ANKRD44: variants seen among roughly 807,000 people sequenced by gnomAD.
The protein encoded by ANKRD44 is ankyrin repeat domain 44, also known as serine/threonine-protein phosphatase 6 regulatory ankyrin repeat subunit B.
Under a neutral mutation model 116.0 loss-of-function variants are expected in ANKRD44, and 35 were observed. That is an observed-to-expected ratio of 0.30 (90% CI 0.23 to 0.40). The LOEUF (loss-of-function observed/expected upper bound fraction) is 0.40. Among genes scored for constraint, ANKRD44 ranks in the 10% least tolerant of loss-of-function variants. The pLI is 1.00. For synonymous variants in ANKRD44, 435 were observed against 461.8 expected, an observed-to-expected ratio of 0.94 and a Z score of 0.74; for missense variants, 1,014 against 1,242.6, an observed-to-expected ratio of 0.82 and a Z score of 2.77.
chr2:197,189,789 G>A (rs541211068), intron 1 of ANKRD44, among the ~76,000 whole-genome samples: 2 of 152,248 alleles, frequency 1.3e-5, no homozygotes, highest in East Asian at 1.9e-4. Flanking sequence ...TTAAGATTCC[G>A]GGGAACAAAC....
chr2:197,065,958 A>G (rs1380765792), intron 16 of ANKRD44, among the ~76,000 whole-genome samples: 4 of 152,322 alleles, frequency 2.6e-5, no homozygotes, highest in African/African-American at 9.6e-5. Context: ...CATCATCCTG[A>G]TACCAAAGCC....
At chr2:197,145,662 GGGGAAAC>G (rs2079481883) in intron 3 of ANKRD44, among the ~76,000 whole-genome samples, 5 of 152,244 alleles carry the variant, frequency 3.3e-5, no homozygotes, top group Admixed American at 1.3e-4. Context: ...CTTGTTTCCT[GGGGAAAC>G]CCACCTCAAG....
intron 3 of ANKRD44, among the ~76,000 whole-genome samples, chr2:197,146,622 GTAGTGTGTATATATACTCACTATACA>G (rs1052009510): frequency 1.7e-4 from 25 of 150,024 alleles, no homozygotes; most frequent in Admixed American, 2.7e-4. Context: ...GCATGTTTAT[GTAGTGTGTATATATACTCACTATACA>G]TAGTGTGTAT....
At chr2:197,119,376 T>C (rs1420390013) in intron 8 of ANKRD44, among the ~76,000 whole-genome samples, 1 of 152,078 alleles carries the variant, frequency 6.6e-6, no homozygotes, top group African/African-American at 2.4e-5. Flanking sequence ...TCAAATCACA[T>C]TTCAGCTCAT....
At chr2:197,114,777 G>A (rs767000416) in intron 8 of ANKRD44, among the ~76,000 whole-genome samples, 3 of 152,102 alleles carry the variant, frequency 2.0e-5, no homozygotes, top group Non-Finnish European at 4.4e-5. Flanking sequence ...GTTAGGGGTG[G>A]GGTCAAATAA....
intron 16 of ANKRD44, among the ~76,000 whole-genome samples, chr2:197,060,403 TG>T (rs1195232936): frequency 1.3e-5 from 2 of 152,228 alleles, no homozygotes; most frequent in African/African-American, 4.8e-5. Context: ...GAGGAGTAAC[TG>T]ACAAGAAAAA....
At chr2:197,166,477 G>A (rs73991230) in intron 2 of ANKRD44, among the ~76,000 whole-genome samples, 8,815 of 152,244 alleles carry the variant, frequency 0.058, 854 homozygotes, top group African/African-American at 0.2. Flanking sequence ...AAATGAAAGC[G>A]AGGAATATTG....
At position 197,064,661 on chromosome 2, in the gene ANKRD44, G is replaced by T. The variant is rs1176016211; in HGVS notation, c.1650+14042C>A. Among the ~76,000 whole-genome samples, 4 of 152,074 alleles carry T rather than the reference G, an allele frequency of 2.6e-5. No homozygotes were observed. The South Asian group carries it at 6.2e-4, about 24-fold the overall frequency. The stretch of plus-strand genomic sequence containing the variant: ...AGGCAGGGGTTGCAATCCTAGTCTT[G>T]GATAAAACAGACTTTAAACCAACAA... On this transcript the variant is annotated intron_variant, in intron 16 of 27. Transcript: ENST00000282272.
intron 1 of ANKRD44, among the ~76,000 whole-genome samples, chr2:197,220,580 C>G (rs1350777565): frequency 6.6e-6 from 1 of 152,160 alleles, no homozygotes; most frequent in African/African-American, 2.4e-5. Flanking sequence ...TGTGGGGAGG[C>G]TCCACAGCTA....
At chr2:197,071,351 A>G (rs972448400) in intron 16 of ANKRD44, among the ~76,000 whole-genome samples, 2 of 152,162 alleles carry the variant, frequency 1.3e-5, no homozygotes, top group Non-Finnish European at 2.9e-5. Flanking sequence ...TTTCTTTCTC[A>G]GCATAATTTA....
intron 1 of ANKRD44, among the ~76,000 whole-genome samples, chr2:197,273,980 A>AAAAATATAT (rs1553546147): frequency 2.3e-5 from 1 of 43,944 alleles, no homozygotes; most frequent in African/African-American, 1.0e-4. Context: ...AAAAAAAAAA[A>AAAAATATAT]ATATATATAT....
chr2:197,045,242 C>T (rs1599887), intron 16 of ANKRD44, among the ~76,000 whole-genome samples: 121,735 of 151,934 alleles, frequency 0.8, 51,097 homozygotes, highest in East Asian at 1. Context: ...AATTCTGTCT[C>T]CATTTTACTT....
chr2:197,073,850 G>A (rs1286072415), intron 16 of ANKRD44, among the ~76,000 whole-genome samples: 1 of 152,178 alleles, frequency 6.6e-6, no homozygotes, highest in Non-Finnish European at 1.5e-5. Context: ...TGGAGGCAAT[G>A]CCCCAGTGTC....
chr2:197,140,287 CTCATCA>C (rs2079329488), intron 3 of ANKRD44, among the ~76,000 whole-genome samples: 2 of 152,084 alleles, frequency 1.3e-5, no homozygotes, highest in African/African-American at 4.8e-5. Context: ...TCCCCACATC[CTCATCA>C]ACACTTGATG....
chr2:197,263,459 T>C (rs1559198362), intron 1 of ANKRD44: 1 of 486,848 alleles, frequency 2.1e-6, no homozygotes, highest in East Asian at 4.6e-5. Context: ...TCCTACACCA[T>C]TCTAGGCTTT....
chr2:197,080,406 G>A (rs1000229665), intron 15 of ANKRD44, among the ~76,000 whole-genome samples: 2 of 152,156 alleles, frequency 1.3e-5, no homozygotes, highest in Non-Finnish European at 2.9e-5. Context: ...AGGCGTATCT[G>A]GATACAGGGA....
chr2:197,102,895 GTTTTGT>G (rs2078326696), intron 9 of ANKRD44, among the ~76,000 whole-genome samples: 1 of 152,032 alleles, frequency 6.6e-6, no homozygotes, highest in South Asian at 2.1e-4. Context: ...TTTCTCCCAG[GTTTTGT>G]TTTTAATTTT....
rs182539051 is a variant in ANKRD44, at chr2:197,261,876, T to A, written c.27+48702A>T. Among the ~76,000 whole-genome samples, 512 of 152,322 alleles carry A rather than the reference T, an allele frequency of 3.4e-3. 4 individuals are homozygous for A. Among genetic ancestry groups the A allele is most frequent in the African/African-American group, 0.012 (486 of 41,568 alleles). ...GGCCAGAAGAGACAGCCTGCAAGTC[T>A]AGTTCATCCTTATGAAGAAAACAGG... On this transcript the variant is annotated intron_variant, in intron 1 of 27. Transcript: ENST00000282272.
At chr2:197,118,655 G>GAAAGAAAGAAAGAA (rs2078777569) in intron 8 of ANKRD44, among the ~76,000 whole-genome samples, 2 of 150,876 alleles carry the variant, frequency 1.3e-5, no homozygotes, top group African/African-American at 4.9e-5. Flanking sequence ...AAGAAAGAAA[G>GAAAGAAAGAAAGAA]AAAGAAAGAA....
Sources: allele counts gnomAD v4.1 joint callset (sites outside exome capture counted in the v4.1 genomes callset), GRCh38; gene constraint gnomAD v4.1.1; transcripts MANE v1.5; gene names NCBI Gene and HGNC (gene_info 2026-07-23, HGNC 2026-07-21).